The following GNS variants were observed in gnomAD, a reference collection of about 807,000 sequenced individuals.
GNS encodes N-acetylglucosamine-6-sulfatase.
GNS carries 40 observed loss-of-function variants against 69.7 expected under a neutral mutation model. The observed-to-expected ratio is 0.57, with a 90% CI of 0.45 to 0.75. The LOEUF (loss-of-function observed/expected upper bound fraction) is 0.75. GNS is among the 30% of genes least tolerant of loss of function. The pLI is 0.00. For missense variants in GNS, 565 were observed against 685.5 expected (o/e 0.82, Z 1.96); for synonymous variants, 243 against 251.6 (o/e 0.97, Z 0.32).
At chr12:64,739,864 C>G (rs1690278) in intron 7 of GNS, among the ~76,000 whole-genome samples, 58,170 of 152,046 alleles carry the variant, frequency 0.38, 12,649 homozygotes, top group East Asian at 0.62. Flanking sequence ...GAAGAGTTGT[C>G]CATTCTCAGT....
At chr12:64,743,390 C>T in intron 5 of GNS, 82 bp from the exon 6 acceptor site, 4 of 971,928 alleles carry the variant, frequency 4.1e-6, no homozygotes, top group Non-Finnish European at 6.6e-6. Flanking sequence ...GGTGAGCAGA[C>T]AGTACAGGGT....
At chr12:64,755,571 C>A (rs569885307) in intron 1 of GNS, among the ~76,000 whole-genome samples, 1 of 146,152 alleles carries the variant, frequency 6.8e-6, no homozygotes, top group Non-Finnish European at 1.5e-5. Context: ...GAGCAAGACT[C>A]CAACTCAAAA....
chr12:64,729,324 T>C (rs921194818), intron 9 of GNS: 17 of 419,162 alleles, frequency 4.1e-5, no homozygotes, highest in Non-Finnish European at 7.4e-5. Flanking sequence ...GATCAAAATG[T>C]TTTTTGAAAA....
intron 8 of GNS, among the ~76,000 whole-genome samples, chr12:64,738,821 C>CT (rs1869633477): frequency 6.9e-6 from 1 of 145,460 alleles, no homozygotes; most frequent in African/African-American, 2.5e-5. Context: ...CCCCCACCAG[C>CT]CCCCCAAAAA....
intron 10 of GNS, among the ~76,000 whole-genome samples, chr12:64,726,185 C>CG (rs1198244577): frequency 5.9e-5 from 9 of 151,898 alleles, no homozygotes; most frequent in Admixed American, 1.3e-4. Flanking sequence ...GTGGAAGACA[C>CG]GGGCTAGGAT....
chr12:64,757,489 A>G (rs1322967010), intron 1 of GNS, among the ~76,000 whole-genome samples: 1 of 152,158 alleles, frequency 6.6e-6, no homozygotes, highest in Admixed American at 6.5e-5. Flanking sequence ...TAGTGAACCT[A>G]AAGTGTAGGA....
At chr12:64,754,724 AC>A (rs1870193732) in intron 1 of GNS, among the ~76,000 whole-genome samples, 1 of 152,072 alleles carries the variant, frequency 6.6e-6, no homozygotes, top group African/African-American at 2.4e-5. Flanking sequence ...CCCTGGCTCT[AC>A]AAAAAATATA....
chr12:64,751,131 T>G (rs1870064740), intron 2 of GNS, among the ~76,000 whole-genome samples: 2 of 152,210 alleles, frequency 1.3e-5, no homozygotes, highest in African/African-American at 4.8e-5. Flanking sequence ...AAGGATCACT[T>G]GAGCTCAGGA....
chr12:64,724,797 G>A (rs1213987799), intron 10 of GNS, among the ~76,000 whole-genome samples: 2 of 152,202 alleles, frequency 1.3e-5, no homozygotes, highest in East Asian at 3.9e-4. Context: ...GACGGCAGAG[G>A]TTGTGGTGAG....
chr12:64,716,952 T>C (rs976075599), intron 13 of GNS, 133 bp from the exon 14 acceptor site: 16 of 713,682 alleles, frequency 2.2e-5, no homozygotes, highest in African/African-American at 2.1e-4. Flanking sequence ...AGAAAGTCTA[T>C]GGTACAAAAC....
chr12:64,717,705 C>T (rs1325304313), intron 13 of GNS, among the ~76,000 whole-genome samples: 2 of 152,044 alleles, frequency 1.3e-5, no homozygotes, highest in African/African-American at 2.4e-5. Flanking sequence ...GAAGGAAAAA[C>T]GAATTCTAGT....
chr12:64,719,989 T>C (rs1221619707), intron 13 of GNS, 33 bp downstream of exon 13: 16 of 1,554,074 alleles, frequency 1.0e-5, no homozygotes, highest in African/African-American at 1.4e-5. Flanking sequence ...TAGAAAAAAC[T>C]TGGCCAAGTA....
intron 9 of GNS, among the ~76,000 whole-genome samples, chr12:64,736,627 C>T (rs1157525346): frequency 3.9e-5 from 6 of 152,182 alleles, no homozygotes; most frequent in Admixed American, 1.3e-4. Context: ...CTATTCCAGA[C>T]CAAGTGAGTC....
chr12:64,742,135 C>G (rs1300282438), intron 6 of GNS, among the ~76,000 whole-genome samples: 2 of 152,210 alleles, frequency 1.3e-5, no homozygotes, highest in Non-Finnish European at 2.9e-5. Context: ...ATTCTCCTGC[C>G]TCAGCCTCCC....
At chr12:64,752,924 C>T (rs1870125503) in intron 1 of GNS, 167 bp from the exon 2 acceptor site, 1 of 629,826 alleles carries the variant, frequency 1.6e-6, no homozygotes, top group East Asian at 2.8e-5. Flanking sequence ...AAGTTTGGTT[C>T]CGGCCAGCTC....
intron 9 of GNS, among the ~76,000 whole-genome samples, chr12:64,730,547 T>C (rs1201364208): frequency 1.3e-5 from 2 of 151,638 alleles, no homozygotes; most frequent in African/African-American, 4.8e-5. Context: ...CTGAATCAAT[T>C]AGTCTAACTC....
rs958547204 is a variant in GNS, at chr12:64,715,779, C to A, written c.*962G>T. The A allele has an allele frequency of 6.6e-6, 1 of 152,292 alleles. No homozygotes were observed. Among genetic ancestry groups the A allele is most frequent in the Admixed American group, 6.5e-5 (1 of 15,290 alleles). 9.4% of individuals were successfully genotyped at this position (152,292 alleles called of 1,614,324 possible). A position where few individuals can be genotyped will look rare whatever the true frequency, so the allele number is the denominator to read the frequency against. On this transcript the variant is annotated 3_prime_UTR_variant, in exon 14 of 14. Transcript: ENST00000258145. ...CATACATGGAACTTAAATTCAAGCT[C>A]CCTGCTGGACAGGCACTTCTTTCCT...
Position 64,747,856 on chromosome 12 carries a change from A to C in GNS, c.315T>G (p.His105Gln). ...GAGTGTTGTTCACAACGTGATGATT[A>C]TGTGGGTACTTTCCTGTCAGGATAC... ...RASILTGKYP[H>Q]NHHVVNNTLE... The change falls in exon 3 of 14, where the codon CAT (histidine) becomes CAG (glutamine). Residue 105 changes from histidine to glutamine, a missense_variant. By Grantham distance (24) the His-to-Gln change is conservative. Around this residue, in one of 2 missense-constraint regions of GNS, gnomAD observed 181 missense variants for 174.4 expected, o/e 1.04. Coordinates refer to ENST00000258145, the MANE Select transcript of GNS (RefSeq NM_002076.4). 1 of 1,609,664 alleles carries C rather than the reference A, an allele frequency of 6.2e-7. No homozygotes were observed. The highest frequency in any genetic ancestry group is 8.5e-7 in the Non-Finnish European group (1 of 1,176,532).
At chr12:64,755,892 C>T (rs1237013958) in intron 1 of GNS, among the ~76,000 whole-genome samples, 2 of 152,034 alleles carry the variant, frequency 1.3e-5, no homozygotes, top group African/African-American at 4.8e-5. Flanking sequence ...TGGTCCTGAA[C>T]TCCTGACCTC....
Sources: gnomAD v4.1 joint callset for allele counts (sites outside exome capture counted in the v4.1 genomes callset) on GRCh38, gnomAD v4.1.1 for gene constraint, gnomAD v4.1.1 regional missense constraint, MANE v1.5 for transcripts, NCBI Gene and HGNC (gene_info 2026-07-23, HGNC 2026-07-21) for gene names.